The following LPCAT1 variants were observed in gnomAD, a reference collection of about 807,000 sequenced individuals.
LPCAT1 encodes lysophosphatidylcholine acyltransferase 1.
LPCAT1 carries 23 observed loss-of-function variants against 60.9 expected under a neutral mutation model. That is an observed-to-expected ratio of 0.38 (90% CI 0.27 to 0.53). The LOEUF is 0.53. Ranked by LOEUF, LPCAT1 falls within the 20% of genes least tolerant of loss-of-function variation. LPCAT1 has a pLI of 0.82. For missense variants in LPCAT1, 622 were observed against 723.6 expected (o/e 0.86, Z 1.61); for synonymous variants, 340 against 301.1 (o/e 1.13, Z -1.34).
At chr5:1,468,610 G>C (rs1360318750) in intron 12 of LPCAT1, among the ~76,000 whole-genome samples, 1 of 152,194 alleles carries the variant, frequency 6.6e-6, no homozygotes, top group Non-Finnish European at 1.5e-5. Context: ...CAGACTTCAG[G>C]TTCTCACTGT....
At chr5:1,463,917 G>T (rs1734216623) in intron 13 of LPCAT1, 82 bp from the exon 14 acceptor site, 1 of 1,427,620 alleles carries the variant, frequency 7.0e-7, no homozygotes, top group South Asian at 1.3e-5. Context: ...CCACGGCCCT[G>T]GTGGGTGTCC....
chr5:1,489,685 C>A, intron 4 of LPCAT1, 61 bp downstream of exon 4: 1 of 1,244,202 alleles, frequency 8.0e-7, no homozygotes, highest in South Asian at 1.2e-5. Context: ...TCTCCCCACT[C>A]GCGAAGTTCG....
At position 1,463,396 on chromosome 5, in the gene LPCAT1, A is replaced by C; in HGVS notation, c.*255T>G. ...ACCGGTGCCCCCCGCCCGGCAGGGA[A>C]CCTGACCCCACGGGGTCCAGGCCAG... On this transcript the variant is annotated 3_prime_UTR_variant, in exon 14 of 14. Coordinates refer to ENST00000283415, the MANE Select transcript of LPCAT1 (RefSeq NM_024830.5). 9 of 480,754 alleles carry C rather than the reference A, an allele frequency of 1.9e-5. No homozygotes were observed. Among genetic ancestry groups the C allele is most frequent in the East Asian group, 3.4e-5 (1 of 29,204 alleles). The allele number at this position is 480,754 out of a possible 1,614,324, so 29.8% of individuals were successfully genotyped here.
At chr5:1,498,928 TACAC>T (rs1156427897) in intron 2 of LPCAT1, among the ~76,000 whole-genome samples, 1 of 138,868 alleles carries the variant, frequency 7.2e-6, no homozygotes, top group African/African-American at 2.5e-5. Flanking sequence ...TGCGCATATG[TACAC>T]ACATACACAC....
intron 8 of LPCAT1, 83 bp downstream of exon 8, chr5:1,479,538 G>T: frequency 1.0e-6 from 1 of 995,708 alleles, no homozygotes; most frequent in Non-Finnish European, 1.6e-6. Flanking sequence ...CATTGTACAA[G>T]GCTTATCTGG....
At chr5:1,519,821 G>A (rs1007330728) in intron 1 of LPCAT1, among the ~76,000 whole-genome samples, 2 of 152,250 alleles carry the variant, frequency 1.3e-5, no homozygotes, top group Non-Finnish European at 2.9e-5. Context: ...CAAGGCCTCT[G>A]AGGCATCCAG....
At chr5:1,508,816 A>G (rs1245995369) in intron 1 of LPCAT1, among the ~76,000 whole-genome samples, 1 of 152,228 alleles carries the variant, frequency 6.6e-6, no homozygotes, top group Admixed American at 6.5e-5. Context: ...GCCCAGGCCC[A>G]GGCTCTCTGA....
intron 4 of LPCAT1, 130 bp from the exon 5 acceptor site, chr5:1,488,581 G>A: frequency 1.6e-6 from 1 of 610,780 alleles, no homozygotes; most frequent in Non-Finnish European, 2.9e-6. Context: ...ATCATATTCA[G>A]TACGTAAATT....
chr5:1,468,057 C>CCGGCTCCT (rs1268596825), intron 12 of LPCAT1, among the ~76,000 whole-genome samples: 1 of 152,124 alleles, frequency 6.6e-6, no homozygotes, highest in African/African-American at 2.4e-5. Context: ...TTCACCTCCA[C>CCGGCTCCT]CGGCTCCTCC....
intron 11 of LPCAT1, among the ~76,000 whole-genome samples, chr5:1,471,211 C>T (rs935316437): frequency 6.6e-6 from 1 of 152,214 alleles, no homozygotes; most frequent in Admixed American, 6.5e-5. Flanking sequence ...CTGCCACCTG[C>T]CAAGACCTGC....
chr5:1,515,527 C>T (rs1171840743), intron 1 of LPCAT1, among the ~76,000 whole-genome samples: 3 of 150,532 alleles, frequency 2.0e-5, no homozygotes, highest in Admixed American at 6.6e-5. Context: ...CCACACTACC[C>T]GCAGATACAG....
chr5:1,469,134 C>A (rs1020850495), intron 12 of LPCAT1, among the ~76,000 whole-genome samples: 11 of 152,210 alleles, frequency 7.2e-5, no homozygotes, highest in Non-Finnish European at 1.5e-4. Context: ...CGTGGGGACG[C>A]AGCCATATCA....
chr5:1,492,994 A>C (rs1253250796), intron 3 of LPCAT1, among the ~76,000 whole-genome samples: 1 of 152,016 alleles, frequency 6.6e-6, no homozygotes, highest in Non-Finnish European at 1.5e-5. Context: ...GGTATGCCAG[A>C]ACCACAGGAT....
chr5:1,478,614 C>T (rs990708096), intron 8 of LPCAT1, among the ~76,000 whole-genome samples: 2 of 152,256 alleles, frequency 1.3e-5, no homozygotes, highest in East Asian at 1.9e-4. Context: ...CCCTCAGGCC[C>T]GGGCCAAGGC....
At chr5:1,490,446 A>G (rs1735534643) in intron 3 of LPCAT1, among the ~76,000 whole-genome samples, 1 of 152,218 alleles carries the variant, frequency 6.6e-6, no homozygotes, top group Non-Finnish European at 1.5e-5. Flanking sequence ...AGGGGGAGAG[A>G]AGGCCAATGA....
In LPCAT1 at chr5:1,463,804, A is replaced by G. The variant is rs771480892; in HGVS notation, c.1452T>C (p.Pro484=). 6.8e-6 allele frequency: 11 copies of G among 1,614,126 alleles called. No individual in the cohort carries two copies. Among genetic ancestry groups the G allele is most frequent in the African/African-American group, 2.7e-5 (2 of 74,952 alleles). Residue 484 remains proline (P), a synonymous_variant, in exon 14 of 14, where the codon CCT becomes CCC. Transcript: ENST00000283415. ...GGTACAGGTATTCCTCTGCGAAGGCAGGGTACATTTCTGCAAACCTGTGGA... is the reference window on the plus strand; with the variant it reads ...GGTACAGGTATTCCTCTGCGAAGGCGGGGTACATTTCTGCAAACCTGTGGA... ...ADFHRFAEMY[P]AFAEEYLYPD...
rs1276598212 is a variant in LPCAT1, at chr5:1,496,751, T to G, written c.279-1837A>C. ...TCTTGGAGGAATTTTATACCCAAAC[T>G]ATCCACATGTGAAAACCCGGACTGC... On this transcript the variant is annotated intron_variant, in intron 2 of 13. Coordinates refer to ENST00000283415, the MANE Select transcript of LPCAT1 (RefSeq NM_024830.5). This position sits in a 1 kb window ranked among gnomAD's most constrained non-coding sequence, Gnocchi z 4.7. 1.3e-5 allele frequency among the ~76,000 whole-genome samples: 2 copies of G among 152,106 alleles called. No homozygotes were observed. Among genetic ancestry groups the G allele is most frequent in the Non-Finnish European group, 2.9e-5 (2 of 68,020 alleles).
In LPCAT1 at chr5:1,462,413, T is replaced by C. The variant is rs889187472; in HGVS notation, c.*1238A>G. On this transcript the variant is annotated 3_prime_UTR_variant, in exon 14 of 14. Coordinates refer to ENST00000283415, the MANE Select transcript of LPCAT1 (RefSeq NM_024830.5). The stretch of plus-strand genomic sequence containing the variant: ...AGCCCCTCTGCCTTTGACTCTAAGA[T>C]GGGGCAGGACCCCCGCTCTCAGTGG... The C allele has an allele frequency of 1.3e-5, 2 of 152,298 alleles. No homozygotes were observed. The allele number at this position is 152,298 out of a possible 1,614,324, so 9.4% of individuals were successfully genotyped here. A position where few individuals can be genotyped will look rare whatever the true frequency, so the allele number is the denominator to read the frequency against.
At chr5:1,514,793 C>G (rs1288274442) in intron 1 of LPCAT1, among the ~76,000 whole-genome samples, 2 of 152,154 alleles carry the variant, frequency 1.3e-5, no homozygotes, top group Non-Finnish European at 2.9e-5. Context: ...CGTGCTCCGC[C>G]AGGACCCCAC....
Sources: gnomAD v4.1 joint callset for allele counts (sites outside exome capture counted in the v4.1 genomes callset) on GRCh38, gnomAD v4.1.1 for gene constraint, Gnocchi (gnomAD v3.1) non-coding constraint, MANE v1.5 for transcripts, NCBI Gene and HGNC (gene_info 2026-07-23, HGNC 2026-07-21) for gene names.